AACS: variants seen among roughly 807,000 people sequenced by gnomAD.
The protein encoded by AACS is acetoacetyl-CoA synthetase.
AACS carries 69 observed loss-of-function variants against 83.1 expected under a neutral mutation model. That is an observed-to-expected ratio of 0.83 (90% CI 0.68 to 1.01). The LOEUF is 1.01. Among genes scored for constraint, AACS ranks in the 50% least tolerant of loss-of-function variants. AACS has a pLI of 0.00. For missense variants in AACS, 866 were observed against 882.2 expected (o/e 0.98, Z 0.23); for synonymous variants, 333 against 343.4 (o/e 0.97, Z 0.33).
At chr12:125,102,835 G>C in intron 6 of AACS, 42 bp downstream of exon 6, 1 of 1,581,196 alleles carries the variant, frequency 6.3e-7, no homozygotes. Context: ...GGCTGGGTGT[G>C]TGTGTGGGTA....
At chr12:125,112,898 C>G (rs75472713) in intron 8 of AACS, among the ~76,000 whole-genome samples, 2,292 of 152,260 alleles carry the variant, frequency 0.015, 65 homozygotes, top group African/African-American at 0.053. Flanking sequence ...GACTTATTTG[C>G]TACCATGAGA....
chr12:125,092,139 C>T (rs1196572114), intron 5 of AACS, among the ~76,000 whole-genome samples: 2 of 152,086 alleles, frequency 1.3e-5, no homozygotes, highest in Admixed American at 1.3e-4. Flanking sequence ...AGCCGCAGAG[C>T]GGGTCTTCCT....
At chr12:125,095,604 G>C (rs908245925) in intron 5 of AACS, among the ~76,000 whole-genome samples, 2 of 152,162 alleles carry the variant, frequency 1.3e-5, no homozygotes, top group Non-Finnish European at 2.9e-5. Flanking sequence ...CCTGGGTGTT[G>C]ATCTCTATGT....
intron 8 of AACS, among the ~76,000 whole-genome samples, chr12:125,109,322 C>T (rs1238498719): frequency 6.6e-6 from 1 of 151,890 alleles, no homozygotes; most frequent in Non-Finnish European, 1.5e-5. Flanking sequence ...TTGCTATGTT[C>T]CCCAGGCTGG....
chr12:125,091,639 A>G, intron 5 of AACS, 116 bp downstream of exon 5: 2 of 1,058,694 alleles, frequency 1.9e-6, no homozygotes, highest in South Asian at 2.6e-5. Flanking sequence ...CAGCGGGAGG[A>G]GGTGGCGTTG....
intron 10 of AACS, among the ~76,000 whole-genome samples, chr12:125,119,578 CAGG>C (rs1162815555): frequency 1.3e-5 from 2 of 152,140 alleles, no homozygotes; most frequent in East Asian, 3.8e-4. Flanking sequence ...AGAGCGTGTG[CAGG>C]AGAACTGTCC....
At position 125,129,129 on chromosome 12, in the gene AACS, T is replaced by G; in HGVS notation, c.1424-206T>G. On this transcript the variant is annotated intron_variant, in intron 13 of 17. Coordinates refer to ENST00000316519, the MANE Select transcript of AACS (RefSeq NM_023928.5). The surrounding 1 kb of genome is among the most constrained non-coding windows in gnomAD (Gnocchi z 4.3). ...AAATCACTACGTCCGAGACAGCGAT[T>G]TTGGGGAGCACACAGGGAGGGGACT... 1.8e-6 allele frequency: 1 copy of G among 559,082 alleles called. No individual in the cohort carries two copies. The highest frequency in any genetic ancestry group is 2.9e-6 in the Non-Finnish European group (1 of 347,632). 34.6% of individuals were successfully genotyped at this position (559,082 alleles called of 1,614,324 possible).
rs958781847 is a variant in AACS at position 125,115,535 on chromosome 12, C to T, written c.996+978C>T. Reference sequence around the variant, plus strand: ...TCAGCCTCCCAAAGTGCTGGGATTACAGGCGTGAGCCACCGCCCCTGGCCT... The same window carrying T: ...TCAGCCTCCCAAAGTGCTGGGATTATAGGCGTGAGCCACCGCCCCTGGCCT... On this transcript the variant is annotated intron_variant, in intron 9 of 17. Coordinates refer to ENST00000316519, the MANE Select transcript of AACS (RefSeq NM_023928.5). 1.4e-4 allele frequency among the ~76,000 whole-genome samples: 21 copies of T among 152,332 alleles called. No individual in the cohort carries two copies. In the East Asian group the frequency reaches 1.9e-3, roughly 14 times the overall value.
intron 17 of AACS, chr12:125,139,866 A>G (rs2136146125): frequency 6.6e-6 from 1 of 152,310 alleles, no homozygotes; most frequent in African/African-American, 2.4e-5. Context: ...TGCCTGGCAA[A>G]CAGCAGATGC....
At position 125,097,988 on chromosome 12, in the gene AACS, T is replaced by C. The variant is rs549359920; in HGVS notation, c.571-4691T>C. ...TGCCGTCGTAGTAGCTTCCGACCAG[T>C]CTCATTTCTGCTTCTCTCTACTGTA... On this transcript the variant is annotated intron_variant, in intron 5 of 17. Coordinates refer to ENST00000316519, the MANE Select transcript of AACS (RefSeq NM_023928.5). The surrounding 1 kb of genome is among the most constrained non-coding windows in gnomAD (Gnocchi z 4.3). Among the ~76,000 whole-genome samples the C allele has an allele frequency of 7.2e-5, 11 of 152,284 alleles. No individual in the cohort carries two copies. Among genetic ancestry groups the C allele is most frequent in the Admixed American group, 5.9e-4 (9 of 15,302 alleles).
At chr12:125,079,276 C>T (rs564502596) in intron 3 of AACS, among the ~76,000 whole-genome samples, 5 of 152,222 alleles carry the variant, frequency 3.3e-5, no homozygotes, top group African/African-American at 9.6e-5. Context: ...GGGTTCTGAG[C>T]AAGGGCTGGG....
At chr12:125,123,313 A>G (rs1381892823) in intron 10 of AACS, 1 of 152,188 alleles carries the variant, frequency 6.6e-6, no homozygotes, top group African/African-American at 2.4e-5. Context: ...TCTGTTAGTG[A>G]TACTTGCAAA....
chr12:125,074,197 C>T (rs1479996389), intron 2 of AACS, among the ~76,000 whole-genome samples: 2 of 152,144 alleles, frequency 1.3e-5, no homozygotes, highest in Admixed American at 1.3e-4. Context: ...CAGGCCCTGT[C>T]CTGGGAACTT....
chr12:125,108,467 A>G (rs1291411346), intron 8 of AACS, among the ~76,000 whole-genome samples: 2 of 152,178 alleles, frequency 1.3e-5, no homozygotes, highest in African/African-American at 4.8e-5. Context: ...TTAAAGGCCC[A>G]TTTAGTCACA....
At chr12:125,126,199 A>G (rs1038091581) in intron 12 of AACS, 1 of 152,096 alleles carries the variant, frequency 6.6e-6, no homozygotes, top group African/African-American at 2.4e-5. Flanking sequence ...ACCTCAGGTG[A>G]TCCACCCACC....
In AACS at chr12:125,128,235, C is replaced by T. The variant is rs552206706; in HGVS notation, c.1384C>T (p.Arg462Trp). 1.4e-5 allele frequency: 22 copies of T among 1,613,028 alleles called. No homozygotes were observed. Among genetic ancestry groups the T allele is most frequent in the African/African-American group, 5.3e-5 (4 of 75,022 alleles). ...TGTGTATAAAGGGGAGATTCAGGCC[C>T]GGAACCTGGGCATGGCCGTGGAAGC... Reference protein sequence around the residue: ...LPVYKGEIQARNLGMAVEAWN... With the variant: ...LPVYKGEIQAWNLGMAVEAWN... Residue 462 changes from arginine (R) to tryptophan (W), a missense_variant, in exon 13 of 18, where the codon CGG (arginine) becomes TGG (tryptophan). Arg to Trp is a moderately radical substitution (Grantham distance 101). Coordinates refer to ENST00000316519, the MANE Select transcript of AACS (RefSeq NM_023928.5).
chr12:125,142,124 C>T lies in AACS; in HGVS notation c.1914C>T (p.Ala638=), dbSNP rs148449574. ...YTLNGKKVEV[A]VKQIIAGKAV... ...TCAACGGCAAGAAAGTGGAAGTTGC[C>T]GTCAAACAGATCATCGCTGGAAAAG... The change falls in exon 18 of 18, where the codon GCC becomes GCT. Residue 638 remains alanine (A), a synonymous_variant. Transcript: ENST00000316519. 168 of 1,614,104 alleles carry T rather than the reference C, an allele frequency of 1.0e-4. 1 individual carries two copies. Among genetic ancestry groups the T allele is most frequent in the African/African-American group, 1.0e-3 (78 of 75,006 alleles).
chr12:125,107,514 G>C (rs1360120381), intron 8 of AACS, among the ~76,000 whole-genome samples: 2 of 152,254 alleles, frequency 1.3e-5, no homozygotes, highest in African/African-American at 4.8e-5. Context: ...GGAGGTCACT[G>C]TACAGCGCGG....
At position 125,094,015 on chromosome 12, in the gene AACS, T is replaced by C. The variant is rs1956549826; in HGVS notation, c.570+2492T>C. On this transcript the variant is annotated intron_variant, in intron 5 of 17. Transcript: ENST00000316519. This position sits in a 1 kb window ranked among gnomAD's most constrained non-coding sequence, Gnocchi z 4.1. ...CTGGACACCCGCTGTCGGAGCTGAG[T>C]AAGGACCTGGCACAGGTCGACTGCG... 6.6e-6 allele frequency among the ~76,000 whole-genome samples: 1 copy of C among 152,096 alleles called. No homozygotes were observed. The highest frequency in any genetic ancestry group is 2.4e-5 in the African/African-American group (1 of 41,408).
Sources: gnomAD v4.1 joint callset for allele counts (sites outside exome capture counted in the v4.1 genomes callset) on GRCh38, gnomAD v4.1.1 for gene constraint, Gnocchi (gnomAD v3.1) non-coding constraint, MANE v1.5 for transcripts, NCBI Gene and HGNC (gene_info 2026-07-23, HGNC 2026-07-21) for gene names.